Variants in TSPAN9 observed in about 807,000 individuals in gnomAD.
TSPAN9 encodes tetraspanin 9.
In TSPAN9, 16 loss-of-function variants were observed where a neutral mutation model predicts 31.0. The observed-to-expected ratio is 0.52, with a 90% CI of 0.35 to 0.78. The LOEUF is 0.78. Among genes scored for constraint, TSPAN9 ranks in the 30% least tolerant of loss-of-function variants. The pLI is 0.01. For synonymous variants in TSPAN9, 145 were observed against 121.6 expected, an observed-to-expected ratio of 1.19 and a Z score of -1.27; for missense variants, 272 against 312.5, an observed-to-expected ratio of 0.87 and a Z score of 0.98.
intron 3 of TSPAN9, among the ~76,000 whole-genome samples, chr12:3,210,371 G>T (rs918420959): frequency 8.5e-5 from 13 of 152,178 alleles, no homozygotes; most frequent in African/African-American, 2.9e-4. Context: ...TACAGTGGAT[G>T]TAAAATGCTA....
chr12:3,208,741 A>G (rs740772), intron 3 of TSPAN9, among the ~76,000 whole-genome samples: 88,430 of 151,672 alleles, frequency 0.58, 26,052 homozygotes, highest in Middle Eastern at 0.7. Flanking sequence ...CTGCCCACTT[A>G]GAAGCCTAGC....
intron 3 of TSPAN9, among the ~76,000 whole-genome samples, chr12:3,270,280 G>C (rs1382417032): frequency 6.6e-6 from 1 of 152,138 alleles, no homozygotes; most frequent in African/African-American, 2.4e-5. Context: ...TGGAGGTGCG[G>C]GAGGTGACCT....
chr12:3,220,505 G>A (rs572998766), intron 3 of TSPAN9, among the ~76,000 whole-genome samples: 3 of 152,330 alleles, frequency 2.0e-5, no homozygotes, highest in South Asian at 2.1e-4. Flanking sequence ...AATATTGGCC[G>A]AGATGCTTCT....
chr12:3,157,291 C>A (rs1176674232), intron 2 of TSPAN9, among the ~76,000 whole-genome samples: 2 of 152,068 alleles, frequency 1.3e-5, no homozygotes, highest in Non-Finnish European at 2.9e-5. Context: ...TTAGTAGAGA[C>A]GGGGTTTCAC....
intron 3 of TSPAN9, among the ~76,000 whole-genome samples, chr12:3,205,877 G>A (rs1007874953): frequency 1.3e-5 from 2 of 152,126 alleles, no homozygotes; most frequent in African/African-American, 2.4e-5. Flanking sequence ...GAATGTGGCC[G>A]TGAGGGAATG....
At chr12:3,176,429 C>A (rs1210325967) in intron 2 of TSPAN9, among the ~76,000 whole-genome samples, 3 of 152,218 alleles carry the variant, frequency 2.0e-5, no homozygotes, top group Non-Finnish European at 4.4e-5. Context: ...TGGCATATAC[C>A]AGGCACCTCA....
chr12:3,083,410 C>T lies in TSPAN9; in HGVS notation c.-84-243C>T, dbSNP rs79796169. On this transcript the variant is annotated intron_variant, in intron 1 of 8. Transcript: ENST00000011898. ...CCCGTGGCAGACATCACTAATCAAT[C>T]GCAGCTGTCTTTTCTGCTGGGCCAG... Among the ~76,000 whole-genome samples the T allele has an allele frequency of 2.6e-3, 398 of 152,304 alleles. 2 individuals carry two copies. Among genetic ancestry groups the T allele is most frequent in the African/African-American group, 9.0e-3 (372 of 41,560 alleles).
At chr12:3,195,219 T>C (rs764419601) in intron 2 of TSPAN9, among the ~76,000 whole-genome samples, 4 of 152,068 alleles carry the variant, frequency 2.6e-5, no homozygotes, top group African/African-American at 9.7e-5. Context: ...TTGGTTCTGA[T>C]TGTGTGTGGG....
At chr12:3,121,533 C>CGTTTTTTTTTTTTTTTTTTTTTTTTT (rs1426241959) in intron 2 of TSPAN9, among the ~76,000 whole-genome samples, 3 of 92,926 alleles carry the variant, frequency 3.2e-5, no homozygotes, top group African/African-American at 4.3e-5. Context: ...CTAATTAAAA[C>CGTTTTTTTTTTTTTTTTTTTTTTTTT]TTTTTTTTTT....
intron 3 of TSPAN9, among the ~76,000 whole-genome samples, chr12:3,257,469 C>A (rs3782780): frequency 6.6e-6 from 1 of 151,324 alleles, no homozygotes; most frequent in African/African-American, 2.4e-5. Context: ...CAGCCCCCGA[C>A]GAGCCATCCT....
chr12:3,201,007 C>T (rs1022611321), intron 2 of TSPAN9, 170 bp from the exon 3 acceptor site: 2 of 612,080 alleles, frequency 3.3e-6, no homozygotes, highest in African/African-American at 3.8e-5. Flanking sequence ...AGCCGTCCAC[C>T]TCCGGCCGCC....
At chr12:3,110,031 G>A (rs1223488981) in intron 2 of TSPAN9, among the ~76,000 whole-genome samples, 1 of 152,066 alleles carries the variant, frequency 6.6e-6, no homozygotes, top group Non-Finnish European at 1.5e-5. Flanking sequence ...CAGGTTAAAT[G>A]TCTGCTTAAG....
intron 2 of TSPAN9, among the ~76,000 whole-genome samples, chr12:3,127,449 G>C (rs530212225): frequency 3.9e-4 from 59 of 151,774 alleles, no homozygotes; most frequent in African/African-American, 1.4e-3. Context: ...TCCGTCTCCT[G>C]GGTTCACGCC....
intron 2 of TSPAN9, among the ~76,000 whole-genome samples, chr12:3,132,835 C>T (rs916706339): frequency 1.3e-5 from 2 of 152,078 alleles, no homozygotes; most frequent in East Asian, 1.9e-4. Flanking sequence ...TCAGCCTCAT[C>T]GTCCCCACCG....
intron 2 of TSPAN9, among the ~76,000 whole-genome samples, chr12:3,174,450 A>G (rs923284870): frequency 6.6e-6 from 1 of 152,244 alleles, no homozygotes; most frequent in Non-Finnish European, 1.5e-5. Flanking sequence ...TCTGTGTGTT[A>G]GAAAATGAAG....
At chr12:3,272,009 A>T (rs1862686982) in intron 3 of TSPAN9, among the ~76,000 whole-genome samples, 1 of 152,302 alleles carries the variant, frequency 6.6e-6, no homozygotes, top group Middle Eastern at 3.4e-3. Flanking sequence ...CACATCCACT[A>T]ATTTATTAAA....
intron 2 of TSPAN9, among the ~76,000 whole-genome samples, chr12:3,113,041 T>C (rs1051448607): frequency 1.3e-5 from 2 of 152,180 alleles, no homozygotes; most frequent in Non-Finnish European, 2.9e-5. Context: ...CCACTGATTG[T>C]TCAGGAGCTA....
At chr12:3,255,250 G>A (rs1193529772) in intron 3 of TSPAN9, among the ~76,000 whole-genome samples, 1 of 152,230 alleles carries the variant, frequency 6.6e-6, no homozygotes, top group Non-Finnish European at 1.5e-5. Context: ...TGTTAGGCGA[G>A]CCCGGGTGAG....
rs1033091533 is a variant in TSPAN9 at position 3,168,884 on chromosome 12, T to A, written c.-17-32293T>A. On this transcript the variant is annotated intron_variant, in intron 2 of 8. Coordinates refer to ENST00000011898, the MANE Select transcript of TSPAN9 (RefSeq NM_006675.5). This position sits in a 1 kb window ranked among gnomAD's most constrained non-coding sequence, Gnocchi z 4.0. ...CGGCCAGTGTGGGCGTGCAGATGGA[T>A]GAGCTCAGGTTTGGACGTGACTCAG... Among the ~76,000 whole-genome samples the A allele has an allele frequency of 3.3e-5, 5 of 152,108 alleles. No individual in the cohort carries two copies. The highest frequency in any genetic ancestry group is 4.8e-5 in the African/African-American group (2 of 41,422).
Sources: gnomAD v4.1 joint callset for allele counts (sites outside exome capture counted in the v4.1 genomes callset) on GRCh38, gnomAD v4.1.1 for gene constraint, Gnocchi (gnomAD v3.1) non-coding constraint, MANE v1.5 for transcripts, NCBI Gene and HGNC (gene_info 2026-07-23, HGNC 2026-07-21) for gene names.